EIF3B: variants seen among roughly 807,000 people sequenced by gnomAD.
EIF3B encodes the protein eukaryotic translation initiation factor 3 subunit B.
Under a neutral mutation model 104.6 loss-of-function variants are expected in EIF3B, and 10 were observed. That is an observed-to-expected ratio of 0.10 (90% CI 0.06 to 0.16). EIF3B has a LOEUF of 0.16. Among genes scored for constraint, EIF3B ranks in the 10% least tolerant of loss-of-function variants. EIF3B has a pLI of 1.00. For missense variants in EIF3B, 1,014 were observed against 1,087.9 expected, an observed-to-expected ratio of 0.93 and a Z score of 0.96; for synonymous variants, 542 against 417.2, an observed-to-expected ratio of 1.30 and a Z score of -3.65.
rs750888666 is a variant in EIF3B at position 2,380,387 on chromosome 7, C to T, written c.*198C>T. The T allele has an allele frequency of 1.9e-6, 1 of 518,874 alleles. No individual in the cohort carries two copies. The highest frequency in any genetic ancestry group is 1.9e-5 in the Admixed American group (1 of 51,596). 32.1% of individuals were successfully genotyped at this position (518,874 alleles called of 1,614,324 possible). On this transcript the variant is annotated 3_prime_UTR_variant, in exon 19 of 19. Transcript: ENST00000360876. ...GACTGTGACTGCGCCTGGATTCTGCCATTGCGACACATTTTTGTGCCTTTC... is the reference window on the plus strand; with the variant it reads ...GACTGTGACTGCGCCTGGATTCTGCTATTGCGACACATTTTTGTGCCTTTC...
Position 2,361,331 on chromosome 7 carries a change from C to T in EIF3B, c.692+429C>T, listed in dbSNP as rs139011738. On this transcript the variant is annotated intron_variant, in intron 2 of 18. Coordinates refer to ENST00000360876, the MANE Select transcript of EIF3B (RefSeq NM_001037283.2). ...GAATTATCAAATACAGGTAATGCTG[C>T]TGCATTTTCTGTGTTGGGCAGTCAG... Among the ~76,000 whole-genome samples the T allele has an allele frequency of 1.2e-3, 190 of 152,304 alleles. 3 individuals are homozygous for T. In the South Asian group the frequency reaches 0.02, roughly 16 times the overall value.
chr7:2,370,110 A>T (rs1780246650), intron 10 of EIF3B, among the ~76,000 whole-genome samples: 1 of 152,192 alleles, frequency 6.6e-6, no homozygotes, highest in Non-Finnish European at 1.5e-5. Flanking sequence ...CACAAGGAGT[A>T]GTATACTCAA....
chr7:2,379,533 G>A (rs111584277), intron 18 of EIF3B, 22 bp downstream of exon 18: 142 of 1,458,852 alleles, frequency 9.7e-5, no homozygotes, highest in East Asian at 9.8e-5. Flanking sequence ...CAGGGGGCGC[G>A]ATGGGGGTCC....
At chr7:2,378,202 G>C (rs55980527) in intron 15 of EIF3B, 1 of 103,764 alleles carries the variant, frequency 9.6e-6, no homozygotes, top group Non-Finnish European at 1.9e-5. Context: ...CTCCTGGGAA[G>C]CCGTGTTGTG....
In EIF3B at chr7:2,364,638, A is replaced by G. The variant is rs545700626; in HGVS notation, c.1157+109A>G. The G allele has an allele frequency of 4.8e-6, 5 of 1,048,336 alleles. No homozygotes were observed. In the East Asian group the frequency reaches 1.2e-4, roughly 26 times the overall value. The allele number at this position is 1,048,336 out of a possible 1,614,324, so 64.9% of individuals were successfully genotyped here. A position where few individuals can be genotyped will look rare whatever the true frequency, so the allele number is the denominator to read the frequency against. ...TTCAAACTTAGTAGAAAAATACGGG[A>G]GTATGCAGAACGCTAATAAGCTTTT... is the stretch of plus-strand genomic sequence containing the variant. On this transcript the variant is annotated intron_variant, in intron 6 of 18. Coordinates refer to ENST00000360876, the MANE Select transcript of EIF3B (RefSeq NM_001037283.2).
intron 4 of EIF3B, 50 bp downstream of exon 4, chr7:2,363,177 G>A (rs777857607): frequency 6.3e-7 from 1 of 1,579,416 alleles, no homozygotes; most frequent in Non-Finnish European, 8.7e-7. Context: ...ATGCTGCTGG[G>A]TGTGGTGGGT....
chr7:2,375,305 C>G (rs1780571802), intron 13 of EIF3B, 84 bp from the exon 14 acceptor site: 2 of 1,577,068 alleles, frequency 1.3e-6, no homozygotes, highest in Non-Finnish European at 1.7e-6. Flanking sequence ...TCCCTGGGGA[C>G]CCCATGCCGC....
In EIF3B at chr7:2,355,218, C is replaced by A; in HGVS notation, c.297C>A (p.Pro99=). ...AEELPGSHAE[P]PVPAQGEAPG... Reference sequence around the variant, plus strand: ...AGCTGCCCGGGTCGCATGCTGAGCCCCCTGTCCCGGCACAGGGCGAGGCCC... The same window carrying A: ...AGCTGCCCGGGTCGCATGCTGAGCCACCTGTCCCGGCACAGGGCGAGGCCC... Residue 99 remains proline (P), a synonymous_variant, in exon 1 of 19, where the codon CCC becomes CCA. Transcript: ENST00000360876. The A allele has an allele frequency of 6.7e-7, 1 of 1,495,996 alleles. No individual in the cohort carries two copies. The highest frequency in any genetic ancestry group is 8.8e-7 in the Non-Finnish European group (1 of 1,131,166). 92.7% of individuals were successfully genotyped at this position (1,495,996 alleles called of 1,614,324 possible). A position where few individuals can be genotyped will look rare whatever the true frequency, so the allele number is the denominator to read the frequency against.
chr7:2,365,382 G>A lies in EIF3B; in HGVS notation c.1157+853G>A, dbSNP rs542021594. 7.9e-5 allele frequency among the ~76,000 whole-genome samples: 12 copies of A among 152,064 alleles called. No homozygotes were observed. The South Asian group carries it at 1.9e-3, about 24-fold the overall frequency. ...ACAGTTGTGGAAGGCAGTGTGAGGC[G>A]AACGGGGGCCACTCTAGGGAAAGGG... On this transcript the variant is annotated intron_variant, in intron 6 of 18. Transcript: ENST00000360876.
chr7:2,379,756 G>T, intron 18 of EIF3B: 1 of 496,356 alleles, frequency 2.0e-6, no homozygotes. Context: ...GAGGAGCTGT[G>T]GCCAGGTGTT....
At chr7:2,377,150 G>A in intron 15 of EIF3B, 75 bp downstream of exon 15, 2 of 1,516,452 alleles carry the variant, frequency 1.3e-6, no homozygotes, top group Non-Finnish European at 8.8e-7. Context: ...AGTTTTTTCT[G>A]TTATTGTTAG....
Position 2,362,601 on chromosome 7 carries a change from A to T in EIF3B, c.693-44A>T, listed in dbSNP as rs768040027. Reference sequence around the variant, plus strand: ...TGGGGCGGACAGCGCATACCTGCCTAGCCTTACAGTGTGGGTATGTGCCAA... The same window carrying T: ...TGGGGCGGACAGCGCATACCTGCCTTGCCTTACAGTGTGGGTATGTGCCAA... On this transcript the variant is annotated intron_variant, in intron 2 of 18. Coordinates refer to ENST00000360876, the MANE Select transcript of EIF3B (RefSeq NM_001037283.2). 5 of 1,612,082 alleles carry T rather than the reference A, an allele frequency of 3.1e-6. No individual in the cohort carries two copies. In the South Asian group the frequency reaches 5.5e-5, roughly 18 times the overall value.
In EIF3B at chr7:2,362,742, A is replaced by C. The variant is rs1779806052; in HGVS notation, c.790A>C (p.Asn264His). Residue 264 changes from asparagine (N) to histidine (H), a missense_variant, in exon 3 of 19, where the codon AAC (asparagine) becomes CAC (histidine). By Grantham distance (68) the Asn-to-His change is moderately conservative. Around this residue, in one of 4 missense-constraint regions of EIF3B, gnomAD observed 488 missense variants for 404.3 expected, o/e 1.21. Transcript: ENST00000360876. ...TGACAAGCAGCACACATTCCGGGTC[A>C]ACCTCTTTACGGATTTTGACAAGTG... Reference protein sequence around the residue: ...KLDKQHTFRVNLFTDFDKYMT... With the variant: ...KLDKQHTFRVHLFTDFDKYMT... The C allele has an allele frequency of 6.2e-7, 1 of 1,614,212 alleles. No individual in the cohort carries two copies. Among genetic ancestry groups the C allele is most frequent in the South Asian group, 1.1e-5 (1 of 91,090 alleles).
At position 2,369,697 on chromosome 7, in the gene EIF3B, A is replaced by T. The variant is rs777304349; in HGVS notation, c.1614+15A>T. ...AAGGCACCCAGGTATGTAGATTCCCACAGGAACTGACGATTCCTTATCCTG... is the reference window on the plus strand; with the variant it reads ...AAGGCACCCAGGTATGTAGATTCCCTCAGGAACTGACGATTCCTTATCCTG... On this transcript the variant is annotated intron_variant, in intron 10 of 18. Transcript: ENST00000360876. 6 of 1,602,478 alleles carry T rather than the reference A, an allele frequency of 3.7e-6. No individual in the cohort carries two copies. The highest frequency in any genetic ancestry group is 5.1e-6 in the Non-Finnish European group (6 of 1,173,316).
chr7:2,355,066 G>C lies in EIF3B; in HGVS notation c.145G>C (p.Glu49Gln), dbSNP rs2115265241. The C allele has an allele frequency of 4.8e-6, 6 of 1,245,504 alleles. No individual in the cohort carries two copies. The highest frequency in any genetic ancestry group is 3.1e-5 in the South Asian group (1 of 32,662). The allele number at this position is 1,245,504 out of a possible 1,614,324, so 77.2% of individuals were successfully genotyped here. ...GPGAPEAAGT[E>Q]ASSEEVGIAE... ...CGGCGCTCCGGAGGCCGCGGGGACC[G>C]AGGCCTCCAGTGAGGAGGTGGGGAT... Residue 49 changes from glutamate (E) to glutamine (Q), a missense_variant, in exon 1 of 19, where the codon GAG becomes CAG. Physicochemically the swap from Glu to Gln is conservative, Grantham distance 29. Coordinates refer to ENST00000360876, the MANE Select transcript of EIF3B (RefSeq NM_001037283.2).
Position 2,364,680 on chromosome 7 carries a change from C to T in EIF3B, c.1157+151C>T. ...TAAGCTTTTTACTGAGATCTTCTCA[C>T]ATTTGGTTGCATTTACGTCATCATC... On this transcript the variant is annotated intron_variant, in intron 6 of 18. Transcript: ENST00000360876. 8.5e-6 allele frequency: 6 copies of T among 706,732 alleles called. No individual in the cohort carries two copies. The South Asian group carries it at 1.0e-4, about 12-fold the overall frequency. The allele number at this position is 706,732 out of a possible 1,614,324, so 43.8% of individuals were successfully genotyped here.
intron 12 of EIF3B, chr7:2,373,411 T>C (rs1173043929): frequency 6.6e-6 from 1 of 152,540 alleles, no homozygotes; most frequent in Non-Finnish European, 1.5e-5. Context: ...GGGGTGTGTG[T>C]GTGTGGTAGC....
At chr7:2,359,411 A>G (rs1441424468) in intron 1 of EIF3B, among the ~76,000 whole-genome samples, 2 of 152,152 alleles carry the variant, frequency 1.3e-5, no homozygotes, top group Non-Finnish European at 2.9e-5. Context: ...TCACGCCTCT[A>G]TAATGAGATC....
At chr7:2,378,445 TG>T in intron 15 of EIF3B, 1 of 201,542 alleles carries the variant, frequency 5.0e-6, no homozygotes. Flanking sequence ...CGAGCGCTCC[TG>T]GGAAGCTGTG....
Sources: gnomAD v4.1 joint callset for allele counts (sites outside exome capture counted in the v4.1 genomes callset) on GRCh38, gnomAD v4.1.1 for gene constraint, gnomAD v4.1.1 regional missense constraint, MANE v1.5 for transcripts, NCBI Gene and HGNC (gene_info 2026-07-23, HGNC 2026-07-21) for gene names.